Variants in CNNM2 observed in about 807,000 individuals in gnomAD.
The protein encoded by CNNM2 is metal transporter CNNM2.
A neutral mutation model predicts 66.9 loss-of-function variants in CNNM2; 12 were observed. The observed-to-expected ratio is 0.18, with a 90% CI of 0.11 to 0.29. CNNM2 has a LOEUF of 0.29. CNNM2 is among the 10% of genes least tolerant of loss of function. The pLI is 1.00. For missense variants in CNNM2, 705 were observed against 1,167.7 expected, an observed-to-expected ratio of 0.60 and a Z score of 5.77; for synonymous variants, 557 against 501.8, an observed-to-expected ratio of 1.11 and a Z score of -1.47.
rs527653944 is a variant in CNNM2 at position 102,919,851 on chromosome 10, C to T, written c.1371C>T (p.Phe457=). The change falls in exon 1 of 8, where the codon TTC becomes TTT. Residue 457 remains phenylalanine, a synonymous_variant. Transcript: ENST00000369878. ...TGATGACCCCACTCCGGGACTGCTT[C>T]ATGATCACCGGCGAAGCCATCCTGG... ...EDVMTPLRDC[F]MITGEAILDF... 6.2e-7 allele frequency: 1 copy of T among 1,614,232 alleles called. No individual in the cohort carries two copies. The highest frequency in any genetic ancestry group is 2.2e-5 in the East Asian group (1 of 44,884).
At chr10:102,965,574 C>G (rs931156126) in intron 1 of CNNM2, among the ~76,000 whole-genome samples, 1 of 152,168 alleles carries the variant, frequency 6.6e-6, no homozygotes, top group African/African-American at 2.4e-5. Flanking sequence ...CAGTAGATGG[C>G]TTTTAATTCC....
chr10:103,026,067 C>T (rs2064696567), intron 1 of CNNM2, among the ~76,000 whole-genome samples: 1 of 152,120 alleles, frequency 6.6e-6, no homozygotes, highest in Non-Finnish European at 1.5e-5. Flanking sequence ...GCTCTCTTGC[C>T]CTTCTGCCAT....
intron 2 of CNNM2, among the ~76,000 whole-genome samples, chr10:103,051,420 A>G (rs545704666): frequency 6.8e-6 from 1 of 147,510 alleles, no homozygotes; most frequent in South Asian, 2.2e-4. Flanking sequence ...ACAGAGCCAG[A>G]CTCTCTCTCC....
chr10:103,067,242 A>C (rs1469666840), intron 4 of CNNM2, among the ~76,000 whole-genome samples: 4 of 151,932 alleles, frequency 2.6e-5, no homozygotes, highest in African/African-American at 7.3e-5. Context: ...ATGCCTGGCT[A>C]ATTTTTGTAG....
intron 1 of CNNM2, among the ~76,000 whole-genome samples, chr10:102,995,164 CT>C (rs1564836963): frequency 2.2e-5 from 3 of 139,082 alleles, no homozygotes; most frequent in Non-Finnish European, 4.7e-5. Flanking sequence ...CCTCTTCCTC[CT>C]CCTCCCCCTC....
At chr10:103,035,112 G>A (rs2064911158) in intron 1 of CNNM2, among the ~76,000 whole-genome samples, 1 of 152,000 alleles carries the variant, frequency 6.6e-6, no homozygotes, top group Admixed American at 6.6e-5. Flanking sequence ...TAGTGGGACC[G>A]TGTCTTGAAA....
chr10:102,924,621 TG>T (rs1484487016), intron 1 of CNNM2, among the ~76,000 whole-genome samples: 4 of 151,914 alleles, frequency 2.6e-5, no homozygotes, highest in South Asian at 4.2e-4. Flanking sequence ...TCTAGGAAGT[TG>T]TTTTTTTTTT....
At chr10:103,063,134 T>C (rs1478373280) in intron 4 of CNNM2, among the ~76,000 whole-genome samples, 1 of 152,246 alleles carries the variant, frequency 6.6e-6, no homozygotes, top group East Asian at 1.9e-4. Context: ...AAAATGTGTC[T>C]AAATTAATTT....
chr10:102,980,220 G>C (rs1481798555), intron 1 of CNNM2, among the ~76,000 whole-genome samples: 1 of 152,136 alleles, frequency 6.6e-6, no homozygotes, highest in Non-Finnish European at 1.5e-5. Context: ...TGGGATTACA[G>C]GTGTGAGCCA....
chr10:102,938,434 GCT>G (rs1564812771), intron 1 of CNNM2, among the ~76,000 whole-genome samples: 1 of 148,088 alleles, frequency 6.8e-6, no homozygotes, highest in Non-Finnish European at 1.5e-5. Context: ...ACAGAGCAAC[GCT>G]CTGTCTCAAA....
At chr10:102,957,100 G>A (rs989746218) in intron 1 of CNNM2, among the ~76,000 whole-genome samples, 1 of 152,072 alleles carries the variant, frequency 6.6e-6, no homozygotes, top group Non-Finnish European at 1.5e-5. Context: ...TCAGGAGTTC[G>A]AAACCAGCCT....
intron 1 of CNNM2, among the ~76,000 whole-genome samples, chr10:102,996,069 T>G (rs975941253): frequency 4.6e-5 from 7 of 152,226 alleles, no homozygotes; most frequent in African/African-American, 1.7e-4. Flanking sequence ...TATAGAATTA[T>G]CGTATTATCC....
intron 1 of CNNM2, among the ~76,000 whole-genome samples, chr10:102,920,429 C>T (rs978371459): frequency 6.6e-6 from 1 of 151,758 alleles, no homozygotes. Flanking sequence ...GGGTCTGCCG[C>T]CTTCATTGTC....
At chr10:103,037,782 A>G (rs2064968993) in intron 1 of CNNM2, among the ~76,000 whole-genome samples, 1 of 152,214 alleles carries the variant, frequency 6.6e-6, no homozygotes, top group Non-Finnish European at 1.5e-5. Context: ...TAGATCACTC[A>G]TTCAGTAAAT....
intron 4 of CNNM2, among the ~76,000 whole-genome samples, chr10:103,062,600 TA>T (rs1323018343): frequency 6.6e-6 from 1 of 152,210 alleles, no homozygotes; most frequent in East Asian, 1.9e-4. Flanking sequence ...ATCAAATGAA[TA>T]AATTCTCAAT....
chr10:103,018,978 A>C (rs957523810), intron 1 of CNNM2, among the ~76,000 whole-genome samples: 6 of 148,324 alleles, frequency 4.0e-5, no homozygotes, highest in Non-Finnish European at 8.9e-5. Context: ...TCTTAAAAGG[A>C]TATTTACGGC....
chr10:103,060,177 T>C (rs2065359929), intron 4 of CNNM2, among the ~76,000 whole-genome samples: 2 of 152,132 alleles, frequency 1.3e-5, no homozygotes, highest in African/African-American at 4.8e-5. Context: ...TCATTTATCA[T>C]GTTACAGTGT....
chr10:103,039,592 G>GGAAATGGATAGA (rs1278088992), intron 1 of CNNM2, among the ~76,000 whole-genome samples: 1 of 152,158 alleles, frequency 6.6e-6, no homozygotes, highest in Non-Finnish European at 1.5e-5. Context: ...TAATTGAGAG[G>GGAAATGGATAGA]GAAATGGATA....
At chr10:103,056,037 G>A (rs535868251) in intron 3 of CNNM2, among the ~76,000 whole-genome samples, 4 of 150,904 alleles carry the variant, frequency 2.7e-5, no homozygotes, top group East Asian at 1.9e-4. Context: ...GCAGTGAGCC[G>A]AGATTGCGTC....
Sources: gnomAD v4.1 joint callset for allele counts (sites outside exome capture counted in the v4.1 genomes callset) on GRCh38, gnomAD v4.1.1 for gene constraint, MANE v1.5 for transcripts, NCBI Gene and HGNC (gene_info 2026-07-23, HGNC 2026-07-21) for gene names.